GRIK2: variants seen among roughly 807,000 people sequenced by gnomAD.
GRIK2 encodes glutamate receptor ionotropic, kainate 2.
GRIK2 carries 32 observed loss-of-function variants against 100.3 expected under a neutral mutation model. The ratio of observed to expected loss-of-function variants is 0.32; its 90% confidence interval spans 0.24 to 0.43. The LOEUF (loss-of-function observed/expected upper bound fraction) is 0.43. GRIK2 is among the 20% of genes least tolerant of loss of function. The pLI is 1.00. For synonymous variants in GRIK2, 417 were observed against 389.4 expected (o/e 1.07, Z -0.83); for missense variants, 843 against 1,114.9 (o/e 0.76, Z 3.47).
intron 15 of GRIK2, 133 bp downstream of exon 15, chr6:102,035,699 G>A (rs1770233756): frequency 1.7e-6 from 1 of 581,140 alleles, no homozygotes; most frequent in Non-Finnish European, 3.2e-6. Context: ...CTCTCTGATT[G>A]TATAAAAGCA....
At chr6:101,953,420 C>A (rs780752412) in intron 14 of GRIK2, among the ~76,000 whole-genome samples, 1 of 152,154 alleles carries the variant, frequency 6.6e-6, no homozygotes, top group South Asian at 2.1e-4. Flanking sequence ...TCCTCACCAA[C>A]ACTTACTATT....
At chr6:101,518,768 A>G (rs1414806411) in intron 2 of GRIK2, among the ~76,000 whole-genome samples, 1 of 152,146 alleles carries the variant, frequency 6.6e-6, no homozygotes, top group African/African-American at 2.4e-5. Context: ...TTACTTGACT[A>G]AGCAATTTTC....
At chr6:101,730,001 C>T (rs866567764) in intron 7 of GRIK2, among the ~76,000 whole-genome samples, 3 of 151,758 alleles carry the variant, frequency 2.0e-5, no homozygotes, top group Middle Eastern at 6.8e-3. Flanking sequence ...TTGTAAATGG[C>T]CTTAGGTTTT....
At chr6:101,694,248 CAAAGT>C (rs1276278288) in intron 7 of GRIK2, among the ~76,000 whole-genome samples, 6 of 151,852 alleles carry the variant, frequency 4.0e-5, no homozygotes, top group Non-Finnish European at 1.5e-5. Context: ...GTACAGGGCA[CAAAGT>C]AAAGGAAATA....
At chr6:101,671,303 AATTC>A (rs1359546540) in intron 4 of GRIK2, among the ~76,000 whole-genome samples, 3 of 152,144 alleles carry the variant, frequency 2.0e-5, no homozygotes, top group African/African-American at 7.2e-5. Flanking sequence ...TGGAACATTA[AATTC>A]ATTATTAGTT....
At chr6:102,014,885 T>G (rs1297117353) in intron 14 of GRIK2, among the ~76,000 whole-genome samples, 1 of 152,136 alleles carries the variant, frequency 6.6e-6, no homozygotes, top group Non-Finnish European at 1.5e-5. Context: ...ATATGACAAG[T>G]GTAGAAGAGA....
intron 2 of GRIK2, among the ~76,000 whole-genome samples, chr6:101,598,982 T>C (rs910963125): frequency 4.6e-5 from 7 of 151,692 alleles, no homozygotes; most frequent in African/African-American, 1.7e-4. Flanking sequence ...TATGTGATGC[T>C]GAGGTTTGGG....
At chr6:101,414,150 G>A (rs566560503) in intron 2 of GRIK2, among the ~76,000 whole-genome samples, 1 of 152,130 alleles carries the variant, frequency 6.6e-6, no homozygotes, top group African/African-American at 2.4e-5. Context: ...TAACATGAAG[G>A]GAGGCATCTA....
chr6:101,924,824 T>G (rs1789782685), intron 13 of GRIK2, 105 bp downstream of exon 13: 3 of 712,042 alleles, frequency 4.2e-6, no homozygotes, highest in African/African-American at 3.5e-5. Context: ...CCTCTGTGCA[T>G]GTAACCATAA....
chr6:102,061,871 A>C (rs543932666), intron 16 of GRIK2, among the ~76,000 whole-genome samples: 1 of 150,518 alleles, frequency 6.6e-6, no homozygotes, highest in African/African-American at 2.4e-5. Context: ...CCTTATGAAA[A>C]GAAAGTTTTC....
chr6:101,497,189 C>A (rs1412054219), intron 2 of GRIK2, among the ~76,000 whole-genome samples: 1 of 151,954 alleles, frequency 6.6e-6, no homozygotes, highest in Non-Finnish European at 1.5e-5. Context: ...TTTTCTCCTC[C>A]CACCTTTCAT....
intron 4 of GRIK2, among the ~76,000 whole-genome samples, chr6:101,643,353 C>A (rs1249506280): frequency 6.6e-6 from 1 of 151,198 alleles, no homozygotes; most frequent in South Asian, 2.1e-4. Context: ...AGTTTTAGAT[C>A]TTACATTTAG....
intron 2 of GRIK2, among the ~76,000 whole-genome samples, chr6:101,582,897 T>C (rs1778170630): frequency 6.7e-6 from 1 of 148,840 alleles, no homozygotes; most frequent in Non-Finnish European, 1.5e-5. Flanking sequence ...TTCTTGTCCA[T>C]AGCCACTACA....
intron 14 of GRIK2, among the ~76,000 whole-genome samples, chr6:101,982,636 T>C (rs1430739900): frequency 6.7e-6 from 1 of 149,856 alleles, no homozygotes; most frequent in South Asian, 2.1e-4. Flanking sequence ...CAGAATTAGC[T>C]GCTACTACCC....
intron 2 of GRIK2, among the ~76,000 whole-genome samples, chr6:101,414,358 T>C (rs1776015053): frequency 6.6e-6 from 1 of 152,200 alleles, no homozygotes; most frequent in Admixed American, 6.5e-5. Flanking sequence ...AGTGATGCCA[T>C]TAATTTATTT....
chr6:101,547,059 T>C (rs905842569), intron 2 of GRIK2, among the ~76,000 whole-genome samples: 2 of 151,490 alleles, frequency 1.3e-5, no homozygotes, highest in African/African-American at 2.4e-5. Context: ...TCTCGATCTC[T>C]TGACCTCGTG....
rs553201742 is a variant in GRIK2 at position 101,931,994 on chromosome 6, G to A, written c.2085+3362G>A. ...GCAACAGGAACATTCTTTTCTCCCT[G>A]AAGTATAAAGGCTAGGAGAATGGAA... is the stretch of plus-strand genomic sequence containing the variant. On this transcript the variant is annotated intron_variant, in intron 14 of 16. Coordinates refer to ENST00000369134, the MANE Select transcript of GRIK2 (RefSeq NM_021956.5). Among the ~76,000 whole-genome samples the A allele has an allele frequency of 3.9e-5, 6 of 152,160 alleles. 2 individuals are homozygous for A. Among genetic ancestry groups the A allele is most frequent in the African/African-American group, 1.4e-4 (6 of 41,546 alleles).
chr6:101,803,300 T>C (rs1780785724), intron 9 of GRIK2, among the ~76,000 whole-genome samples: 1 of 151,796 alleles, frequency 6.6e-6, no homozygotes, highest in Non-Finnish European at 1.5e-5. Flanking sequence ...GCTTTCTTAG[T>C]CTGGAAGATA....
chr6:101,930,480 A>C (rs892446659), intron 14 of GRIK2, among the ~76,000 whole-genome samples: 3 of 152,152 alleles, frequency 2.0e-5, no homozygotes, highest in African/African-American at 7.2e-5. Context: ...TTTTGAATTG[A>C]ATTTGTAAAA....
Sources: gnomAD v4.1 joint callset for allele counts (sites outside exome capture counted in the v4.1 genomes callset) on GRCh38, gnomAD v4.1.1 for gene constraint, MANE v1.5 for transcripts, NCBI Gene and HGNC (gene_info 2026-07-23, HGNC 2026-07-21) for gene names.